Variants in STXBP5 observed in about 807,000 individuals in gnomAD.
STXBP5 encodes the protein syntaxin binding protein 5.
Under a neutral mutation model 152.4 loss-of-function variants are expected in STXBP5, and 50 were observed. The observed-to-expected ratio is 0.33, with a 90% CI of 0.26 to 0.42. The LOEUF (loss-of-function observed/expected upper bound fraction) is 0.42. Among genes scored for constraint, STXBP5 ranks in the 10% least tolerant of loss-of-function variants. The pLI is 1.00. For missense variants in STXBP5, 1,167 were observed against 1,388.6 expected, an observed-to-expected ratio of 0.84 and a Z score of 2.54; for synonymous variants, 492 against 494.7, an observed-to-expected ratio of 0.99 and a Z score of 0.07.
intron 4 of STXBP5, among the ~76,000 whole-genome samples, chr6:147,249,386 AT>A (rs1778975888): frequency 6.6e-6 from 1 of 152,190 alleles, no homozygotes; most frequent in South Asian, 2.1e-4. Context: ...GAGGAGTATG[AT>A]AGAAAAGCAC....
intron 16 of STXBP5, among the ~76,000 whole-genome samples, chr6:147,324,264 G>GTTTTTTT (rs1179573055): frequency 3.8e-4 from 22 of 57,948 alleles, no homozygotes; most frequent in South Asian, 7.9e-4. Flanking sequence ...TTTTTTTTTG[G>GTTTTTTT]TTTTTTTTTT....
chr6:147,278,036 C>T (rs201629114), intron 7 of STXBP5, 45 bp from the exon 8 acceptor site: 4 of 1,509,082 alleles, frequency 2.7e-6, no homozygotes, highest in Middle Eastern at 1.8e-4. Context: ...AAATAGTTTA[C>T]TGTTTAAATA....
At chr6:147,207,302 A>G (rs900867142) in intron 2 of STXBP5, among the ~76,000 whole-genome samples, 4 of 152,190 alleles carry the variant, frequency 2.6e-5, no homozygotes, top group African/African-American at 9.6e-5. Flanking sequence ...TGCTAATAGA[A>G]GTTTTAGGAT....
intron 4 of STXBP5, among the ~76,000 whole-genome samples, chr6:147,239,784 C>T (rs903807880): frequency 6.6e-6 from 1 of 152,066 alleles, no homozygotes; most frequent in South Asian, 2.1e-4. Context: ...ATGTCTTTGT[C>T]TACATATACA....
intron 9 of STXBP5, among the ~76,000 whole-genome samples, chr6:147,297,431 T>A (rs938910338): frequency 2.6e-5 from 4 of 152,166 alleles, no homozygotes; most frequent in Admixed American, 2.0e-4. Context: ...ACCACTAGAT[T>A]GGCCTAACAA....
At chr6:147,304,888 T>G (rs74717147) in intron 9 of STXBP5, among the ~76,000 whole-genome samples, 4,667 of 152,206 alleles carry the variant, frequency 0.031, 64 homozygotes, top group Middle Eastern at 0.054. Context: ...TGGGAGAAAT[T>G]GGAATTTACC....
At chr6:147,284,668 T>C (rs747553799) in intron 8 of STXBP5, among the ~76,000 whole-genome samples, 76 of 152,202 alleles carry the variant, frequency 5.0e-4, no homozygotes, top group Non-Finnish European at 9.1e-4. Context: ...GGCAAAGTTA[T>C]CTTAGAAGGC....
chr6:147,311,587 T>C (rs1412524286), intron 11 of STXBP5, 60 bp downstream of exon 11: 2 of 1,271,806 alleles, frequency 1.6e-6, no homozygotes, highest in African/African-American at 1.5e-5. Context: ...AGATGCCTTT[T>C]ATCATAGCAT....
intron 8 of STXBP5, among the ~76,000 whole-genome samples, chr6:147,287,494 G>A (rs902979504): frequency 6.6e-5 from 10 of 152,086 alleles, no homozygotes; most frequent in Non-Finnish European, 1.2e-4. Flanking sequence ...GAGCCACCGC[G>A]CCCGGCCTGT....
intron 9 of STXBP5, among the ~76,000 whole-genome samples, chr6:147,298,830 G>A (rs1781662488): frequency 6.6e-6 from 1 of 151,986 alleles, no homozygotes; most frequent in Admixed American, 6.6e-5. Flanking sequence ...AGCAAAAGCA[G>A]TCCTAAGAGG....
chr6:147,263,851 G>A (rs1017255941), intron 6 of STXBP5, among the ~76,000 whole-genome samples: 2 of 151,730 alleles, frequency 1.3e-5, no homozygotes, highest in Non-Finnish European at 2.9e-5. Flanking sequence ...TAGTACTTTA[G>A]TTATGAAATT....
At chr6:147,291,029 CTATCAA>C in intron 8 of STXBP5, 59 bp from the exon 9 acceptor site, 1 of 1,191,848 alleles carries the variant, frequency 8.4e-7, no homozygotes. Flanking sequence ...ATTTTATAAA[CTATCAA>C]TGTAAGAATG....
At chr6:147,262,903 A>G (rs1210201105) in intron 6 of STXBP5, among the ~76,000 whole-genome samples, 1 of 151,966 alleles carries the variant, frequency 6.6e-6, no homozygotes, top group African/African-American at 2.4e-5. Flanking sequence ...CTTTTAAAAT[A>G]ATAAATATTT....
intron 23 of STXBP5, among the ~76,000 whole-genome samples, chr6:147,359,999 C>T (rs1350231212): frequency 3.3e-5 from 5 of 152,176 alleles, no homozygotes; most frequent in Non-Finnish European, 7.3e-5. Flanking sequence ...CATCAACAGA[C>T]ACTTCTCAAA....
Position 147,311,465 on chromosome 6 carries a change from A to G in STXBP5, c.1083A>G (p.Glu361=). The G allele has an allele frequency of 1.2e-6, 2 of 1,612,020 alleles. No homozygotes were observed. The highest frequency in any genetic ancestry group is 2.2e-5 in the East Asian group (1 of 44,728). The change falls in exon 11 of 28, where the codon GAA becomes GAG. Residue 361 remains glutamate (E), a synonymous_variant. Coordinates refer to ENST00000321680, the MANE Select transcript of STXBP5 (RefSeq NM_001127715.4). ...CETPYPNDFQ[E]PYAVVVLLEK... is the part of the protein sequence containing the mutation. Reference sequence around the variant, plus strand: ...ATTGTCCAATTCCAGATTTTCAAGAACCATATGCTGTGGTTGTTCTTCTAG... The same window carrying G: ...ATTGTCCAATTCCAGATTTTCAAGAGCCATATGCTGTGGTTGTTCTTCTAG...
intron 2 of STXBP5, among the ~76,000 whole-genome samples, chr6:147,231,908 T>G (rs1439540300): frequency 1.3e-5 from 2 of 151,998 alleles, no homozygotes; most frequent in East Asian, 1.9e-4. Flanking sequence ...TGAAAAGATA[T>G]GAATGTTTTG....
chr6:147,345,363 C>T lies in STXBP5; in HGVS notation c.2254+5979C>T, dbSNP rs543046511. Among the ~76,000 whole-genome samples the T allele has an allele frequency of 8.5e-5, 13 of 152,270 alleles. No individual in the cohort carries two copies. In the South Asian group the frequency reaches 2.1e-3, roughly 24 times the overall value. On this transcript the variant is annotated intron_variant, in intron 21 of 27. Coordinates refer to ENST00000321680, the MANE Select transcript of STXBP5 (RefSeq NM_001127715.4). The stretch of plus-strand genomic sequence containing the variant: ...GTTCTAATGGCTACTAAAATACATA[C>T]GATACATGACAAGAGAGTTTCTACT...
At chr6:147,239,761 T>C (rs532763157) in intron 4 of STXBP5, among the ~76,000 whole-genome samples, 1 of 152,340 alleles carries the variant, frequency 6.6e-6, no homozygotes, top group South Asian at 2.1e-4. Flanking sequence ...TCTGTTGTGA[T>C]GTTATGTTAC....
intron 2 of STXBP5, among the ~76,000 whole-genome samples, chr6:147,224,821 C>G (rs536568846): frequency 6.6e-6 from 1 of 152,278 alleles, no homozygotes; most frequent in Admixed American, 6.5e-5. Flanking sequence ...TAATCTAAAG[C>G]TCATCCTCTT....
Sources: gnomAD v4.1 joint callset for allele counts (sites outside exome capture counted in the v4.1 genomes callset) on GRCh38, gnomAD v4.1.1 for gene constraint, MANE v1.5 for transcripts, NCBI Gene and HGNC (gene_info 2026-07-23, HGNC 2026-07-21) for gene names.